ANKLE2: variants seen among roughly 807,000 people sequenced by gnomAD.
ANKLE2 encodes the protein ankyrin repeat and LEM domain containing 2, also known as ankyrin repeat and LEM domain-containing protein 2.
In ANKLE2, 55 loss-of-function variants were observed where a neutral mutation model predicts 84.2. That is an observed-to-expected ratio of 0.65 (90% CI 0.53 to 0.82). The LOEUF (loss-of-function observed/expected upper bound fraction) is 0.82, where lower values mean the gene tolerates loss of function less well. Among genes scored for constraint, ANKLE2 ranks in the 40% least tolerant of loss-of-function variants. The pLI is 0.00. For synonymous variants in ANKLE2, 551 were observed against 486.1 expected, an observed-to-expected ratio of 1.13 and a Z score of -1.76; for missense variants, 1,238 against 1,201.9, an observed-to-expected ratio of 1.03 and a Z score of -0.44.
chr12:132,728,560 G>A (rs1215786909), intron 11 of ANKLE2, among the ~76,000 whole-genome samples: 1 of 152,220 alleles, frequency 6.6e-6, no homozygotes, highest in African/African-American at 2.4e-5. Flanking sequence ...CAAGAACCCA[G>A]CACACAAAAC....
chr12:132,730,308 G>A (rs374720363), intron 10 of ANKLE2, 38 bp from the exon 11 acceptor site: 24 of 1,506,088 alleles, frequency 1.6e-5, no homozygotes, highest in Middle Eastern at 1.8e-4. Flanking sequence ...TGATGGGAAC[G>A]ACAGGAAGCC....
chr12:132,752,532 G>A (rs188493307), intron 2 of ANKLE2, among the ~76,000 whole-genome samples: 2 of 152,024 alleles, frequency 1.3e-5, no homozygotes, highest in East Asian at 1.9e-4. Flanking sequence ...ACCACACCCC[G>A]CTAATTTTCT....
intron 2 of ANKLE2, chr12:132,751,205 T>C: frequency 6.0e-6 from 1 of 167,036 alleles, no homozygotes. Context: ...TAAGAGAATT[T>C]TAAACACAAT....
Position 132,735,450 on chromosome 12 carries a change from G to T in ANKLE2, c.1656C>A (p.His552Gln). The change falls in exon 9 of 13, where the codon CAC becomes CAA. Residue 552 changes from histidine (H) to glutamine (Q), a missense_variant. Physicochemically the swap from His to Gln is conservative, Grantham distance 24 (BLOSUM62 0). Around this residue, in one of 3 missense-constraint regions of ANKLE2, gnomAD observed 802 missense variants for 774.5 expected, o/e 1.04. Coordinates refer to ENST00000357997, the MANE Select transcript of ANKLE2 (RefSeq NM_015114.3). ...PPREKAGFLH[H>Q]VKKSDPERGF... ...CTCTTTCCGGGTCCGACTTCTTGAC[G>T]TGGTGAAGGAAGCCTGCTTTCTCTC... The T allele has an allele frequency of 6.2e-7, 1 of 1,614,076 alleles. No homozygotes were observed. Among genetic ancestry groups the T allele is most frequent in the Non-Finnish European group, 8.5e-7 (1 of 1,180,022 alleles).
At chr12:132,761,311 G>A in intron 1 of ANKLE2, 1 of 250,070 alleles carries the variant, frequency 4.0e-6, no homozygotes, top group Non-Finnish European at 7.6e-6. Flanking sequence ...TCGAGAGACC[G>A]CAGCAAGAGT....
Position 132,743,139 on chromosome 12 carries a change from G to GT in ANKLE2, c.1353+14dup, listed in dbSNP as rs775117589. The GT allele has an allele frequency of 6.3e-7, 1 of 1,587,582 alleles. No individual in the cohort carries two copies. The highest frequency in any genetic ancestry group is 8.6e-7 in the Non-Finnish European group (1 of 1,165,072). On this transcript the variant is annotated intron_variant, in intron 6 of 12. Transcript: ENST00000357997. This position sits in a 1 kb window ranked among gnomAD's most constrained non-coding sequence, Gnocchi z 4.1. ...TCTAACTCTAGATAGCAACTGCATT[G>GT]TAATAAGTACTTACATCTTCAGGTG... is the stretch of plus-strand genomic sequence containing the variant.
At position 132,727,247 on chromosome 12, in the gene ANKLE2, G is replaced by A. The variant is rs777142077; in HGVS notation, c.2812C>T (p.Leu938=). The change falls in exon 13 of 13, where the codon CTG becomes TTG. Residue 938 remains leucine (L), a synonymous_variant. Coordinates refer to ENST00000357997, the MANE Select transcript of ANKLE2 (RefSeq NM_015114.3). The part of the protein sequence containing the change: ...RMARLAELAA[L] ...CCGAGAGCCCAGCGCCAAGCCTACA[G>A]GGCGGCAAGCTCAGCCAGGCGCGCC... 7 of 1,556,188 alleles carry A rather than the reference G, an allele frequency of 4.5e-6. No homozygotes were observed. Among genetic ancestry groups the A allele is most frequent in the Non-Finnish European group, 6.1e-6 (7 of 1,149,350 alleles).
intron 2 of ANKLE2, 47 bp downstream of exon 2, chr12:132,754,628 G>A (rs753139094): frequency 1.2e-5 from 18 of 1,519,996 alleles, no homozygotes; most frequent in Middle Eastern, 2.3e-4. Context: ...CCGCCCCTCC[G>A]CGTATGTGCT....
In ANKLE2 at chr12:132,729,992, C is replaced by G. The variant is rs1306316199; in HGVS notation, c.2170G>C (p.Ala724Pro). 1.2e-6 allele frequency: 2 copies of G among 1,613,380 alleles called. No homozygotes were observed. Among genetic ancestry groups the G allele is most frequent in the Non-Finnish European group, 1.7e-6 (2 of 1,179,924 alleles). Residue 724 changes from alanine to proline, a missense_variant, in exon 11 of 13, where the codon GCC becomes CCC. Around this residue, in one of 3 missense-constraint regions of ANKLE2, gnomAD observed 802 missense variants for 774.5 expected, o/e 1.04. Coordinates refer to ENST00000357997, the MANE Select transcript of ANKLE2 (RefSeq NM_015114.3). ...KRPKAPRGEE[A>P]HLPPVSDLTV... ...AAATCCGAGACAGGTGGCAGATGGG[C>G]TTCCTCCCCACGGGGGGCCTTTGGT...
chr12:132,751,073 C>A, intron 2 of ANKLE2: 1 of 444,586 alleles, frequency 2.2e-6, no homozygotes, highest in Non-Finnish European at 4.0e-6. Flanking sequence ...ATATTATGTT[C>A]ATATATGTAA....
In ANKLE2 at chr12:132,754,947, T is replaced by C. The variant is rs1205477385; in HGVS notation, c.368A>G (p.His123Arg). The C allele has an allele frequency of 1.2e-6, 2 of 1,614,186 alleles. No homozygotes were observed. Among genetic ancestry groups the C allele is most frequent in the South Asian group, 1.1e-5 (1 of 91,084 alleles). The change falls in exon 2 of 13, where the codon CAT becomes CGT. Residue 123 changes from histidine (H) to arginine (R), a missense_variant. Physicochemically the swap from His to Arg is conservative, Grantham distance 29. Coordinates refer to ENST00000357997, the MANE Select transcript of ANKLE2 (RefSeq NM_015114.3). ...QGGRLSSFYH[H>R]EAGVTALSQD... ...GCTGAGAGCTGTGACACCTGCCTCA[T>C]GGTGGTAGAAAGAAGACAGCCTTCC... is the stretch of plus-strand genomic sequence containing the variant.
rs1320662762 is a variant in ANKLE2 at position 132,752,328 on chromosome 12, G to A, written c.641-1479C>T. Among the ~76,000 whole-genome samples the A allele has an allele frequency of 6.6e-5, 10 of 152,254 alleles. No individual in the cohort carries two copies. In the East Asian group the frequency reaches 1.9e-3, roughly 29 times the overall value. On this transcript the variant is annotated intron_variant, in intron 2 of 12. Transcript: ENST00000357997. ...GCACTCCGGCCTGGCGACAGACCGG[G>A]ACTCTGTCTCAAATAATAAGTAAAT...
In ANKLE2 at chr12:132,731,518, ACACACT is replaced by A. The variant is rs1337554528; in HGVS notation, c.1892-1254_1892-1249del. 2.6e-3 allele frequency: 370 copies of A among 144,024 alleles called. 1 individual carries two copies. The highest frequency in any genetic ancestry group is 9.2e-3 in the African/African-American group (347 of 37,546). The allele number at this position is 144,024 out of a possible 1,614,324, so 8.9% of individuals were successfully genotyped here. On this transcript the variant is annotated intron_variant, in intron 10 of 12. Transcript: ENST00000357997. Reference sequence around the variant, plus strand: ...CTTACACACACAAACTCACACAGACACACACTCACACACACACACACACAGTTTAAA... The same window carrying A: ...CTTACACACACAAACTCACACAGACACACACACACACACACACAGTTTAAA...
chr12:132,730,134 G>A lies in ANKLE2; in HGVS notation c.2028C>T (p.Ala676=). 1 of 1,612,472 alleles carries A rather than the reference G, an allele frequency of 6.2e-7. No individual in the cohort carries two copies. The highest frequency in any genetic ancestry group is 1.1e-5 in the South Asian group (1 of 91,084). ...GGTCTGCCTCCTGCTCCAAGGGGAAGGCGCTGCACCTCGTATGTCCAAAAG... is the reference window on the plus strand; with the variant it reads ...GGTCTGCCTCCTGCTCCAAGGGGAAAGCGCTGCACCTCGTATGTCCAAAAG... ...VGAFGHTRCS[A]FPLEQEADLI... The change falls in exon 11 of 13, where the codon GCC becomes GCT. Residue 676 remains alanine, a synonymous_variant. Coordinates refer to ENST00000357997, the MANE Select transcript of ANKLE2 (RefSeq NM_015114.3).
Position 132,741,320 on chromosome 12 carries a change from C to T in ANKLE2, c.1420+99G>A, listed in dbSNP as rs150240361. The T allele has an allele frequency of 1.7e-4, 208 of 1,226,008 alleles. 1 individual carries two copies. The Admixed American group carries it at 2.5e-3, about 15-fold the overall frequency. 75.9% of individuals were successfully genotyped at this position (1,226,008 alleles called of 1,614,324 possible). A position where few individuals can be genotyped will look rare whatever the true frequency, so the allele number is the denominator to read the frequency against. On this transcript the variant is annotated intron_variant, in intron 7 of 12. Coordinates refer to ENST00000357997, the MANE Select transcript of ANKLE2 (RefSeq NM_015114.3). ...CTTCCGAGGGGAGCCGGCACACGCC[C>T]GGGGAGCTCAGGAAAGCAAAGCTCT... is the stretch of plus-strand genomic sequence containing the variant.
At chr12:132,742,975 T>TG (rs2044162311) in intron 6 of ANKLE2, among the ~76,000 whole-genome samples, 179 bp downstream of exon 6, 1 of 152,164 alleles carries the variant, frequency 6.6e-6, no homozygotes, top group Non-Finnish European at 1.5e-5. Context: ...GTTCTACAGA[T>TG]GCATCTTCTT....
intron 2 of ANKLE2, among the ~76,000 whole-genome samples, chr12:132,752,204 G>A (rs1413797665): frequency 6.6e-6 from 1 of 152,102 alleles, no homozygotes; most frequent in East Asian, 1.9e-4. Flanking sequence ...GCCGGGCGTG[G>A]TGGCACACCC....
Position 132,730,089 on chromosome 12 carries a change from C to T in ANKLE2, c.2073G>A (p.Pro691=), listed in dbSNP as rs773946036. 2.2e-5 allele frequency: 35 copies of T among 1,612,278 alleles called. No individual in the cohort carries two copies. Among genetic ancestry groups the T allele is most frequent in the South Asian group, 1.5e-4 (14 of 91,040 alleles). The change falls in exon 11 of 13, where the codon CCG becomes CCA. Residue 691 remains proline, a synonymous_variant. Transcript: ENST00000357997. ...QEADLIEAAE[P]GGPHSSRNGL... ...CATTTCTGCTGCTGTGTGGACCTCC[C>T]GGCTCGGCGGCTTCTATGAGGTCTG...
chr12:132,754,714 C>A lies in ANKLE2; in HGVS notation c.601G>T (p.Gly201Trp), dbSNP rs1185537869. Residue 201 changes from glycine (G) to tryptophan (W), a missense_variant, in exon 2 of 13, where the codon GGG (glycine) becomes TGG (tryptophan). Physicochemically the swap from Gly to Trp is radical, Grantham distance 184. Around this residue, in one of 3 missense-constraint regions of ANKLE2, gnomAD observed 422 missense variants for 394.5 expected, o/e 1.07. Transcript: ENST00000357997. ...TASKEPPLYY[G>W]VCPVYEDVPA... ...ACGTCCTCATACACTGGACACACCC[C>A]ATAGTACAGGGGCGGCTCCTTAGAC... 6.2e-7 allele frequency: 1 copy of A among 1,613,930 alleles called. No individual in the cohort carries two copies. Among genetic ancestry groups the A allele is most frequent in the South Asian group, 1.1e-5 (1 of 91,064 alleles).
Sources: allele counts gnomAD v4.1 joint callset (sites outside exome capture counted in the v4.1 genomes callset), GRCh38; gene constraint gnomAD v4.1.1; regional missense constraint gnomAD v4.1.1; non-coding constraint Gnocchi (gnomAD v3.1); transcripts MANE v1.5; gene names NCBI Gene and HGNC (gene_info 2026-07-23, HGNC 2026-07-21).